Variants in LY9 observed in about 807,000 individuals in gnomAD.
LY9 encodes T-lymphocyte surface antigen Ly-9.
A neutral mutation model predicts 64.6 loss-of-function variants in LY9; 59 were observed. The ratio of observed to expected loss-of-function variants is 0.91; its 90% CI spans 0.74 to 1.13. The LOEUF is 1.13. Among genes scored for constraint, LY9 ranks in the 50% most tolerant of loss-of-function variants. The pLI is 0.00. For missense variants in LY9, 789 were observed against 797.2 expected (o/e 0.99, Z 0.12); for synonymous variants, 281 against 308.5 (o/e 0.91, Z 0.93).
At position 160,827,989 on chromosome 1, in the gene LY9, A is replaced by T; in HGVS notation, c.*173A>T. ...CTCACCCTTAAGGACTCCCAAACCC[A>T]TTAATAGTTCAGACACAGGCTCCTT... On this transcript the variant is annotated 3_prime_UTR_variant, in exon 10 of 10. Transcript: ENST00000263285. The T allele has an allele frequency of 2.0e-6, 1 of 498,258 alleles. No individual in the cohort carries two copies. Among genetic ancestry groups the T allele is most frequent in the Admixed American group, 3.8e-5 (1 of 26,604 alleles). 30.9% of individuals were successfully genotyped at this position (498,258 alleles called of 1,614,324 possible).
At chr1:160,808,067 G>A (rs1321153656) in intron 2 of LY9, among the ~76,000 whole-genome samples, 1 of 152,136 alleles carries the variant, frequency 6.6e-6, no homozygotes, top group African/African-American at 2.4e-5. Context: ...ATGGCAGATG[G>A]GGAATATGCA....
Position 160,823,518 on chromosome 1 carries a change from C to G in LY9, c.1552C>G (p.Leu518Val). The change falls in exon 8 of 10, where the codon CTG becomes GTG. Residue 518 changes from leucine to valine, a missense_variant. By Grantham distance (32) the Leu-to-Val change is conservative. Coordinates refer to ENST00000263285, the MANE Select transcript of LY9 (RefSeq NM_002348.4). ...TGTGCTCTCCCAAGGATATGAGAAG[C>G]TGGACACTCCCCTCAGGCCTGCCAG... ...YSVLSQGYEKLDTPLRPARQQ... is the reference protein window; with the variant it reads ...YSVLSQGYEKVDTPLRPARQQ... The G allele has an allele frequency of 6.2e-7, 1 of 1,614,172 alleles. No individual in the cohort carries two copies. Among genetic ancestry groups the G allele is most frequent in the Non-Finnish European group, 8.5e-7 (1 of 1,180,024 alleles).
At chr1:160,804,727 C>G (rs946177172) in intron 2 of LY9, among the ~76,000 whole-genome samples, 1 of 152,116 alleles carries the variant, frequency 6.6e-6, no homozygotes, top group Non-Finnish European at 1.5e-5. Flanking sequence ...GGGCTTTTCT[C>G]TGTTGGGAGA....
chr1:160,802,055 T>G, intron 2 of LY9: 1 of 1,414,332 alleles, frequency 7.1e-7, no homozygotes, highest in East Asian at 2.6e-5. Flanking sequence ...GACGTGGGCG[T>G]TAGGCGTGTC....
Position 160,828,011 on chromosome 1 carries a change from C to T in LY9, c.*195C>T. The T allele has an allele frequency of 2.3e-6, 1 of 431,012 alleles. No individual in the cohort carries two copies. Among genetic ancestry groups the T allele is most frequent in the Non-Finnish European group, 4.2e-6 (1 of 239,860 alleles). The allele number at this position is 431,012 out of a possible 1,614,324, so 26.7% of individuals were successfully genotyped here. On this transcript the variant is annotated 3_prime_UTR_variant, in exon 10 of 10. Transcript: ENST00000263285. Reference sequence around the variant, plus strand: ...CCCATTAATAGTTCAGACACAGGCTCCTTCTTGGAGCCTATGGGCTTCAGA... The same window carrying T: ...CCCATTAATAGTTCAGACACAGGCTTCTTCTTGGAGCCTATGGGCTTCAGA...
At chr1:160,796,640 C>A (rs182543610) in intron 1 of LY9, among the ~76,000 whole-genome samples, 6 of 152,294 alleles carry the variant, frequency 3.9e-5, no homozygotes, top group Admixed American at 2.0e-4. Flanking sequence ...ATCTGCCCAG[C>A]TCAGCCACCT....
rs1207720755 is a variant in LY9 at position 160,800,097 on chromosome 1, GCTT to G, written c.454+18_454+20del. 1.9e-6 allele frequency: 3 copies of G among 1,579,408 alleles called. No homozygotes were observed. Among genetic ancestry groups the G allele is most frequent in the Non-Finnish European group, 2.6e-6 (3 of 1,160,802 alleles). On this transcript the variant is annotated intron_variant, in intron 2 of 9. Transcript: ENST00000263285. Reference sequence around the variant, plus strand: ...GTTCGTCTATGGTGAGTTCCAGAGAGCTTCTGTGTTTTGATCTTTTCTTTTTTT... The same window carrying G: ...GTTCGTCTATGGTGAGTTCCAGAGAGCTGTGTTTTGATCTTTTCTTTTTTT...
At chr1:160,827,686 C>A (rs1279563905) in intron 9 of LY9, 62 bp from the exon 10 acceptor site, 1 of 1,334,378 alleles carries the variant, frequency 7.5e-7, no homozygotes, top group Admixed American at 1.9e-5. Flanking sequence ...CTTCCTCTTT[C>A]ATCAGCCTCA....
At position 160,796,219 on chromosome 1, in the gene LY9, G is replaced by A. The variant is rs1665839397; in HGVS notation, c.32G>A (p.Trp11Ter). 10 of 1,614,094 alleles carry A rather than the reference G, an allele frequency of 6.2e-6. No individual in the cohort carries two copies. The highest frequency in any genetic ancestry group is 7.6e-6 in the Non-Finnish European group (9 of 1,179,978). Residue 11 changes from tryptophan (W) to a stop codon, truncating the protein, a stop_gained, in exon 1 of 10, where the codon TGG becomes TAG. Coordinates refer to ENST00000263285, the MANE Select transcript of LY9 (RefSeq NM_002348.4). LOFTEE classifies it high-confidence loss of function. Reference protein sequence around the residue: MVAPKSHTDDWAPGPFSSKPQ... With the variant: MVAPKSHTDD ...GCACCAAAGAGTCACACAGATGACT[G>A]GGCTCCTGGGCCTTTCTCCAGTAAG...
intron 6 of LY9, 50 bp downstream of exon 6, chr1:160,818,369 G>T: frequency 7.1e-7 from 1 of 1,398,836 alleles, no homozygotes; most frequent in Non-Finnish European, 1.0e-6. Context: ...CATTTCCCTG[G>T]GACTTGTGGA....
chr1:160,826,905 C>A (rs2101845285), intron 9 of LY9, among the ~76,000 whole-genome samples: 1 of 152,312 alleles, frequency 6.6e-6, no homozygotes, highest in African/African-American at 2.4e-5. Context: ...ACCGGTCAAA[C>A]TTAAAGTCAG....
In LY9 at chr1:160,816,727, A is replaced by C. The variant is rs769631774; in HGVS notation, c.1206A>C (p.Glu402Asp). 3.1e-6 allele frequency: 5 copies of C among 1,614,120 alleles called. No homozygotes were observed. In the South Asian group the frequency reaches 5.5e-5, roughly 18 times the overall value. ...ACACATGGACCCCGCTGCAGAAGGA[A>C]GCTGTTGTGTCCCAAGGGGAATCAC... ...VMYTWTPLQK[E>D]AVVSQGESHL... The change falls in exon 5 of 10, where the codon GAA (glutamate) becomes GAC (aspartate). Residue 402 changes from glutamate (E) to aspartate (D), a missense_variant. Glu to Asp is a conservative substitution (Grantham distance 45, BLOSUM62 2). Coordinates refer to ENST00000263285, the MANE Select transcript of LY9 (RefSeq NM_002348.4).
chr1:160,821,165 A>AAAAAAC (rs796579729), intron 7 of LY9, among the ~76,000 whole-genome samples: 3,118 of 150,164 alleles, frequency 0.021, 120 homozygotes, highest in African/African-American at 0.071. Context: ...AAAAAAAAAA[A>AAAAAAC]AAAACCATAT....
intron 1 of LY9, 124 bp downstream of exon 1, chr1:160,796,435 C>T: frequency 8.2e-7 from 1 of 1,217,586 alleles, no homozygotes; most frequent in Non-Finnish European, 1.1e-6. Context: ...ACTCTGTTGC[C>T]AGGCTGGAGT....
chr1:160,818,348 C>T (rs764960027), intron 6 of LY9, 29 bp downstream of exon 6: 1 of 1,526,984 alleles, frequency 6.5e-7, no homozygotes, highest in Non-Finnish European at 9.1e-7. Context: ...TGTTGTCCGC[C>T]AGTGCTAGGC....
At chr1:160,801,949 T>C in intron 2 of LY9, 1 of 1,609,526 alleles carries the variant, frequency 6.2e-7, no homozygotes, top group East Asian at 2.2e-5. Context: ...TGGAGACCGC[T>C]CCGCCATCCC....
chr1:160,799,911 A>T lies in LY9; in HGVS notation c.283A>T (p.Asn95Tyr). ...TCTTGCTTTCGCACGTCCCAAAGAA[A>T]ATGTAACCATTATGGTCAAAAGCTA... ...NALAFARPKE[N>Y]VTIMVKSYLG... Residue 95 changes from asparagine to tyrosine, a missense_variant, in exon 2 of 10, where the codon AAT (asparagine) becomes TAT (tyrosine). Asn to Tyr is a moderately radical substitution (Grantham distance 143). Coordinates refer to ENST00000263285, the MANE Select transcript of LY9 (RefSeq NM_002348.4). 3 of 1,614,080 alleles carry T rather than the reference A, an allele frequency of 1.9e-6. No individual in the cohort carries two copies. The highest frequency in any genetic ancestry group is 2.5e-6 in the Non-Finnish European group (3 of 1,179,958).
In LY9 at chr1:160,816,597, G is replaced by A; in HGVS notation, c.1076G>A (p.Arg359Lys). 6.3e-7 allele frequency: 1 copy of A among 1,595,308 alleles called. No homozygotes were observed. Among genetic ancestry groups the A allele is most frequent in the Non-Finnish European group, 8.5e-7 (1 of 1,169,840 alleles). Residue 359 changes from arginine to lysine, a missense_variant, in exon 5 of 10, where the codon AGG becomes AAG. Transcript: ENST00000263285. ...GAGTCTGCCTCTCTCCTCACAGGCA[G>A]GCTGAGGAAGCCCAAAATCACGTGG... ...MTHVTLLIYRRLRKPKITWSL... is the reference protein window; with the variant it reads ...MTHVTLLIYRKLRKPKITWSL...
chr1:160,801,021 A>T (rs1273968804), intron 2 of LY9, among the ~76,000 whole-genome samples: 1 of 152,262 alleles, frequency 6.6e-6, no homozygotes, highest in African/African-American at 2.4e-5. Context: ...TGCAATAAAC[A>T]TACAAATGCA....
Sources: allele counts gnomAD v4.1 joint callset (sites outside exome capture counted in the v4.1 genomes callset), GRCh38; gene constraint gnomAD v4.1.1; transcripts MANE v1.5; gene names NCBI Gene and HGNC (gene_info 2026-07-23, HGNC 2026-07-21).